The following ASAP2 variants were observed in gnomAD, a reference collection of about 807,000 sequenced individuals.
ASAP2 encodes the protein arf-GAP with SH3 domain, ANK repeat and PH domain-containing protein 2.
Under a neutral mutation model 131.4 loss-of-function variants are expected in ASAP2, and 45 were observed. The observed-to-expected ratio is 0.34, with a 90% CI of 0.27 to 0.44. The LOEUF is 0.44. Among genes scored for constraint, ASAP2 ranks in the 20% least tolerant of loss-of-function variants. The pLI is 1.00. For missense variants in ASAP2, 1,011 were observed against 1,297.0 expected (o/e 0.78, Z 3.39); for synonymous variants, 510 against 503.0 (o/e 1.01, Z -0.19).
At chr2:9,291,809 C>T (rs559964981) in intron 2 of ASAP2, among the ~76,000 whole-genome samples, 1 of 152,226 alleles carries the variant, frequency 6.6e-6, no homozygotes, top group South Asian at 2.1e-4. Flanking sequence ...AAGGCTGGTG[C>T]ACCCTGCCTT....
intron 9 of ASAP2, among the ~76,000 whole-genome samples, chr2:9,341,037 C>A (rs543675993): frequency 1.3e-5 from 2 of 152,176 alleles, no homozygotes; most frequent in African/African-American, 4.8e-5. Flanking sequence ...AGGTTGTCTT[C>A]GTCTCTCTTA....
At chr2:9,300,635 G>A (rs940862983) in intron 3 of ASAP2, among the ~76,000 whole-genome samples, 2 of 152,228 alleles carry the variant, frequency 1.3e-5, no homozygotes, top group African/African-American at 2.4e-5. Context: ...AGGATACTCT[G>A]TTTCATTTAT....
chr2:9,252,444 T>C (rs1208339471), intron 1 of ASAP2, among the ~76,000 whole-genome samples: 3 of 151,986 alleles, frequency 2.0e-5, no homozygotes, highest in Non-Finnish European at 4.4e-5. Flanking sequence ...TAGCTGGGCA[T>C]GGTGGCACAC....
At chr2:9,364,983 T>C (rs1481166202) in intron 15 of ASAP2, among the ~76,000 whole-genome samples, 1 of 151,296 alleles carries the variant, frequency 6.6e-6, no homozygotes, top group Admixed American at 6.6e-5. Context: ...TGTTTTAGCC[T>C]TTTTTTTTAA....
intron 17 of ASAP2, among the ~76,000 whole-genome samples, 162 bp downstream of exon 17, chr2:9,375,106 C>CAAAAAAA (rs112747713): frequency 1.5e-5 from 1 of 66,230 alleles, no homozygotes; most frequent in African/African-American, 4.3e-5. Flanking sequence ...CCCATCTCTA[C>CAAAAAAA]AAAAAAAAAA....
At chr2:9,361,506 AGGCTTCT>A (rs1673075247) in intron 15 of ASAP2, among the ~76,000 whole-genome samples, 1 of 152,034 alleles carries the variant, frequency 6.6e-6, no homozygotes, top group African/African-American at 2.4e-5. Context: ...GGAAATTTCA[AGGCTTCT>A]TTCTTTCTTT....
At chr2:9,377,014 G>C (rs776792184) in intron 18 of ASAP2, 21 bp downstream of exon 18, 2 of 1,594,842 alleles carry the variant, frequency 1.3e-6, no homozygotes, top group South Asian at 2.2e-5. Flanking sequence ...TGAAATTAAG[G>C]GAGGCACTCG....
rs551490705 is a variant in ASAP2 at position 9,312,926 on chromosome 2, G to A, written c.346-5598G>A. Reference sequence around the variant, plus strand: ...AAAATTAGCTGGGCATGGCATGGTGGCGTGTGCCTGTAATCCCAGCTACCT... The same window carrying A: ...AAAATTAGCTGGGCATGGCATGGTGACGTGTGCCTGTAATCCCAGCTACCT... On this transcript the variant is annotated intron_variant, in intron 3 of 27. Transcript: ENST00000281419. Among the ~76,000 whole-genome samples, 760 of 152,322 alleles carry A rather than the reference G, an allele frequency of 5.0e-3. 3 individuals carry two copies. The highest frequency in any genetic ancestry group is 8.7e-3 in the Non-Finnish European group (595 of 68,036).
chr2:9,357,167 T>C (rs1312033067), intron 14 of ASAP2, among the ~76,000 whole-genome samples: 1 of 148,404 alleles, frequency 6.7e-6, no homozygotes, highest in Non-Finnish European at 1.5e-5. Context: ...TATTTGGCCT[T>C]GGATCCATTA....
At chr2:9,236,973 C>A (rs996782544) in intron 1 of ASAP2, among the ~76,000 whole-genome samples, 1 of 152,042 alleles carries the variant, frequency 6.6e-6, no homozygotes, top group South Asian at 2.1e-4. Flanking sequence ...GGTACGGAGA[C>A]GGGCAGGCGG....
At position 9,385,229 on chromosome 2, in the gene ASAP2, C is replaced by A. The variant is rs758668316; in HGVS notation, c.2017-16C>A. On this transcript the variant is annotated splice_polypyrimidine_tract_variant and intron_variant, in intron 20 of 27. Coordinates refer to ENST00000281419, the MANE Select transcript of ASAP2 (RefSeq NM_003887.3). ...GTGTATGAGCAACAGCACTGACCAT[C>A]CCTCTGTTCTCTCAGCTGACCCAAG... 2 of 1,580,890 alleles carry A rather than the reference C, an allele frequency of 1.3e-6. No homozygotes were observed. The highest frequency in any genetic ancestry group is 1.7e-6 in the Non-Finnish European group (2 of 1,149,892).
rs748115424 is a variant in ASAP2, at chr2:9,393,477, C to T, written c.2519-5C>T. On this transcript the variant is annotated splice_region_variant and splice_polypyrimidine_tract_variant and intron_variant, in intron 23 of 27. Transcript: ENST00000281419. The stretch of plus-strand genomic sequence containing the variant: ...CCTCTGCACGTCTCTCCCTGTCCTC[C>T]GCAGATCCCCTGACCCCCACGCCGC... The T allele has an allele frequency of 1.9e-5, 30 of 1,603,124 alleles. No individual in the cohort carries two copies. Among genetic ancestry groups the T allele is most frequent in the African/African-American group, 5.4e-5 (4 of 74,730 alleles).
At chr2:9,257,507 G>A (rs1344493134) in intron 1 of ASAP2, among the ~76,000 whole-genome samples, 4 of 152,184 alleles carry the variant, frequency 2.6e-5, no homozygotes, top group Non-Finnish European at 5.9e-5. Flanking sequence ...CTAGGAGAAT[G>A]TGAAAGTGTG....
At chr2:9,279,060 G>T (rs1666947999) in intron 1 of ASAP2, among the ~76,000 whole-genome samples, 1 of 149,866 alleles carries the variant, frequency 6.7e-6, no homozygotes, top group Non-Finnish European at 1.5e-5. Context: ...CTTGCATGCT[G>T]CAGGAGGAGG....
At chr2:9,398,478 C>T (rs546169618) in intron 24 of ASAP2, among the ~76,000 whole-genome samples, 3 of 151,996 alleles carry the variant, frequency 2.0e-5, no homozygotes, top group Admixed American at 6.6e-5. Context: ...GCACTGCACT[C>T]GAGCTTGGGT....
At chr2:9,231,968 C>CT (rs1663197774) in intron 1 of ASAP2, among the ~76,000 whole-genome samples, 1 of 152,210 alleles carries the variant, frequency 6.6e-6, no homozygotes, top group South Asian at 2.1e-4. Flanking sequence ...AGTGAAGCTC[C>CT]TGCTTCCATC....
chr2:9,335,104 C>G lies in ASAP2; in HGVS notation c.774C>G (p.Ala258=), dbSNP rs1221361283. The G allele has an allele frequency of 2.5e-6, 4 of 1,613,700 alleles. No homozygotes were observed. The highest frequency in any genetic ancestry group is 3.4e-6 in the Non-Finnish European group (4 of 1,179,914). Residue 258 remains alanine (A), a synonymous_variant, in exon 9 of 28, where the codon GCC becomes GCG. Coordinates refer to ENST00000281419, the MANE Select transcript of ASAP2 (RefSeq NM_003887.3). ...LSTDLHTIKQ[A]QDEERRQLIQ... ...GTGTGTTTTTAAAGATCAAACAGGC[C>G]CAGGATGAAGAAAGAAGGCAGTTGA...
intron 6 of ASAP2, among the ~76,000 whole-genome samples, 179 bp from the exon 7 acceptor site, chr2:9,327,647 A>G (rs1357558292): frequency 6.6e-6 from 1 of 152,202 alleles, no homozygotes; most frequent in Non-Finnish European, 1.5e-5. Flanking sequence ...CAGATAATTC[A>G]TATGGCCCCA....
chr2:9,256,178 A>AG (rs959688478), intron 1 of ASAP2, among the ~76,000 whole-genome samples: 7 of 150,940 alleles, frequency 4.6e-5, no homozygotes, highest in African/African-American at 1.5e-4. Context: ...AAAAAAAAAA[A>AG]AAAGAAAGCA....
Sources: allele counts gnomAD v4.1 joint callset (sites outside exome capture counted in the v4.1 genomes callset), GRCh38; gene constraint gnomAD v4.1.1; transcripts MANE v1.5; gene names NCBI Gene and HGNC (gene_info 2026-07-23, HGNC 2026-07-21).